CNTN5: variants seen among roughly 807,000 people sequenced by gnomAD.
CNTN5 encodes contactin 5.
CNTN5 carries 77 observed loss-of-function variants against 129.1 expected under a neutral mutation model. That is an observed-to-expected ratio of 0.60 (90% CI 0.50 to 0.72). The LOEUF is 0.72. Ranked by LOEUF, CNTN5 falls within the 30% of genes least tolerant of loss-of-function variation. The pLI, the probability that CNTN5 is intolerant of heterozygous loss-of-function variation, is 0.00. For synonymous variants in CNTN5, 509 were observed against 465.6 expected, an observed-to-expected ratio of 1.09 and a Z score of -1.20; for missense variants, 1,478 against 1,328.8, an observed-to-expected ratio of 1.11 and a Z score of -1.75.
chr11:99,358,119 C>G (rs112997367), intron 2 of CNTN5, among the ~76,000 whole-genome samples: 1 of 144,622 alleles, frequency 6.9e-6, no homozygotes, highest in Non-Finnish European at 1.5e-5. Context: ...GACAGAGTCT[C>G]GCTCTGTCGC....
intron 3 of CNTN5, among the ~76,000 whole-genome samples, chr11:99,689,791 G>A (rs1397626332): frequency 1.3e-5 from 2 of 151,736 alleles, no homozygotes; most frequent in East Asian, 3.9e-4. Context: ...GCTTTTTCTT[G>A]TAGATTTTTT....
At chr11:99,666,652 A>G (rs1952803381) in intron 3 of CNTN5, among the ~76,000 whole-genome samples, 1 of 152,204 alleles carries the variant, frequency 6.6e-6, no homozygotes, top group African/African-American at 2.4e-5. Context: ...GTTCGGAGAC[A>G]GCCGCAATGG....
intron 13 of CNTN5, among the ~76,000 whole-genome samples, chr11:100,155,005 G>A (rs1422932772): frequency 1.3e-5 from 2 of 152,082 alleles, no homozygotes; most frequent in South Asian, 2.1e-4. Flanking sequence ...CTTTGGCTGT[G>A]CAGAAACTCT....
intron 13 of CNTN5, among the ~76,000 whole-genome samples, chr11:100,100,788 A>G (rs570706982): frequency 6.6e-6 from 1 of 152,246 alleles, no homozygotes; most frequent in South Asian, 2.1e-4. Flanking sequence ...ATATACTTAT[A>G]AGACTTTGCA....
At chr11:99,305,518 C>T (rs1264361434) in intron 1 of CNTN5, among the ~76,000 whole-genome samples, 1 of 152,068 alleles carries the variant, frequency 6.6e-6, no homozygotes, top group Non-Finnish European at 1.5e-5. Context: ...AAATGTCCTA[C>T]CTTTAGGCTT....
intron 3 of CNTN5, among the ~76,000 whole-genome samples, chr11:99,569,956 A>G (rs1358121253): frequency 1.3e-5 from 2 of 152,108 alleles, no homozygotes; most frequent in Non-Finnish European, 2.9e-5. Context: ...GGGGATTGTA[A>G]AAACAACCAA....
intron 3 of CNTN5, among the ~76,000 whole-genome samples, chr11:99,573,769 C>G (rs988261549): frequency 3.3e-5 from 5 of 151,596 alleles, no homozygotes; most frequent in African/African-American, 1.2e-4. Context: ...TTTTTGTCTT[C>G]TTTTCATTGG....
chr11:100,218,241 T>G (rs181851090), intron 15 of CNTN5, among the ~76,000 whole-genome samples: 1 of 152,350 alleles, frequency 6.6e-6, no homozygotes, highest in African/African-American at 2.4e-5. Context: ...TCACTGTAGT[T>G]TCTAACACAA....
intron 9 of CNTN5, among the ~76,000 whole-genome samples, chr11:100,051,952 C>G (rs953468664): frequency 3.3e-5 from 5 of 151,756 alleles, no homozygotes; most frequent in Middle Eastern, 3.4e-3. Context: ...AATTAAAAAC[C>G]CTTATACTAT....
intron 3 of CNTN5, among the ~76,000 whole-genome samples, chr11:99,807,023 A>T (rs981339674): frequency 6.6e-6 from 1 of 152,042 alleles, no homozygotes. Context: ...ACAAATCAGA[A>T]CTCAATAGGA....
At chr11:99,435,020 C>G (rs1943546308) in intron 2 of CNTN5, among the ~76,000 whole-genome samples, 2 of 152,010 alleles carry the variant, frequency 1.3e-5, no homozygotes, top group South Asian at 4.2e-4. Context: ...AGTCAAAACA[C>G]TTGAGGATGA....
chr11:99,853,269 T>C (rs992918986), intron 6 of CNTN5, among the ~76,000 whole-genome samples: 1 of 152,192 alleles, frequency 6.6e-6, no homozygotes, highest in African/African-American at 2.4e-5. Flanking sequence ...CTATGTTTCA[T>C]GTGTAACGAA....
intron 2 of CNTN5, among the ~76,000 whole-genome samples, chr11:99,480,860 C>T (rs1945570115): frequency 6.6e-6 from 1 of 152,086 alleles, no homozygotes; most frequent in South Asian, 2.1e-4. Flanking sequence ...GCATCTTTTA[C>T]CCTACTAAGT....
intron 3 of CNTN5, among the ~76,000 whole-genome samples, chr11:99,582,432 G>A (rs183159459): frequency 6.6e-6 from 1 of 152,254 alleles, no homozygotes; most frequent in Admixed American, 6.5e-5. Context: ...TTCCAACTTG[G>A]CTCCATTCTC....
At chr11:99,077,844 C>G (rs1252251831) in intron 1 of CNTN5, among the ~76,000 whole-genome samples, 1 of 152,102 alleles carries the variant, frequency 6.6e-6, no homozygotes, top group South Asian at 2.1e-4. Flanking sequence ...TCCCCTTTCC[C>G]TTCCCCTGTA....
At chr11:99,850,625 T>TA (rs1947843841) in intron 6 of CNTN5, among the ~76,000 whole-genome samples, 1 of 152,152 alleles carries the variant, frequency 6.6e-6, no homozygotes, top group Admixed American at 6.6e-5. Context: ...GATTTTTTTT[T>TA]ACTTGCTGTG....
intron 1 of CNTN5, among the ~76,000 whole-genome samples, chr11:99,297,085 C>T (rs76157715): frequency 0.08 from 12,109 of 152,200 alleles, 571 homozygotes; most frequent in Middle Eastern, 0.11. Context: ...AACTTGCAAA[C>T]GCTTTTAACT....
intron 2 of CNTN5, among the ~76,000 whole-genome samples, chr11:99,478,002 C>G (rs767080583): frequency 8.0e-5 from 12 of 150,732 alleles, no homozygotes; most frequent in Non-Finnish European, 1.2e-4. Context: ...TTTTTCTTTG[C>G]CTCAAGAAAA....
chr11:100,047,160 CA>C (rs199769267), intron 9 of CNTN5, among the ~76,000 whole-genome samples: 2 of 150,954 alleles, frequency 1.3e-5, no homozygotes, highest in African/African-American at 2.4e-5. Flanking sequence ...AGAGAAGGAA[CA>C]AAAAAAACAG....
Sources: allele counts gnomAD v4.1 joint callset (sites outside exome capture counted in the v4.1 genomes callset), GRCh38; gene constraint gnomAD v4.1.1; transcripts MANE v1.5; gene names NCBI Gene and HGNC (gene_info 2026-07-23, HGNC 2026-07-21).